The following CFAP20DC variants were observed in gnomAD, a reference collection of about 807,000 sequenced individuals.
CFAP20DC encodes protein CFAP20DC.
In CFAP20DC, 84 loss-of-function variants were observed where a neutral mutation model predicts 101.7. The observed-to-expected ratio is 0.83, with a 90% CI of 0.69 to 0.99. The LOEUF is 0.99. Among genes scored for constraint, CFAP20DC ranks in the 50% least tolerant of loss-of-function variants. The probability of loss-of-function intolerance (pLI) is 0.00; values close to 1 mark genes in which losing one functional copy is unlikely to be tolerated. For missense variants in CFAP20DC, 1,007 were observed against 970.3 expected, an observed-to-expected ratio of 1.04 and a Z score of -0.50; for synonymous variants, 359 against 351.2, an observed-to-expected ratio of 1.02 and a Z score of -0.25.
chr3:58,845,533 C>G (rs1379332025), intron 13 of CFAP20DC, among the ~76,000 whole-genome samples: 1 of 151,394 alleles, frequency 6.6e-6, no homozygotes, highest in South Asian at 2.1e-4. Context: ...AGCTTACCAA[C>G]CAAAAAGAGT....
At chr3:59,032,056 G>A (rs2094005227) in intron 4 of CFAP20DC, among the ~76,000 whole-genome samples, 1 of 152,184 alleles carries the variant, frequency 6.6e-6, no homozygotes, top group African/African-American at 2.4e-5. Context: ...GCGAGCCAAA[G>A]CAGGGTAGGG....
Position 58,742,168 on chromosome 3 carries a change from A to C in CFAP20DC, c.*292T>G. On this transcript the variant is annotated 3_prime_UTR_variant, in exon 17 of 17. Coordinates refer to ENST00000482387, the MANE Select transcript of CFAP20DC (RefSeq NM_001394063.1). Reference sequence around the variant, plus strand: ...AATAACTCTTAATTTGTTTACATAAAATTATCTGAAATAAACAAAATTATA... The same window carrying C: ...AATAACTCTTAATTTGTTTACATAACATTATCTGAAATAAACAAAATTATA... 2 of 932,716 alleles carry C rather than the reference A, an allele frequency of 2.1e-6. No homozygotes were observed. Among genetic ancestry groups the C allele is most frequent in the Non-Finnish European group, 1.3e-6 (1 of 775,512 alleles). The allele number at this position is 932,716 out of a possible 1,614,324, so 57.8% of individuals were successfully genotyped here.
intron 4 of CFAP20DC, among the ~76,000 whole-genome samples, chr3:58,995,091 C>T (rs143973660): frequency 7.2e-4 from 110 of 152,280 alleles, no homozygotes; most frequent in African/African-American, 2.5e-3. Flanking sequence ...CCTCAGGCTG[C>T]ACTACCTATA....
rs760935090 is a variant in CFAP20DC at position 58,913,795 on chromosome 3, A to G, written c.463T>C (p.Leu155=). ...TTAGCTGAGACAACAATTCCATCCA[A>G]TGACTGGAAAACTGCCCCCTTGAAT... ...EIFKGAVFQS[L]DGIVVSANCK... Residue 155 remains leucine, a synonymous_variant, in exon 6 of 17, where the codon TTG becomes CTG. Coordinates refer to ENST00000482387, the MANE Select transcript of CFAP20DC (RefSeq NM_001394063.1). The surrounding 1 kb of genome is among the most constrained non-coding windows in gnomAD (Gnocchi z 4.4). 2 of 1,613,558 alleles carry G rather than the reference A, an allele frequency of 1.2e-6. No homozygotes were observed. Among genetic ancestry groups the G allele is most frequent in the African/African-American group, 1.3e-5 (1 of 74,888 alleles).
intron 4 of CFAP20DC, among the ~76,000 whole-genome samples, chr3:58,962,629 G>A (rs931042975): frequency 1.1e-4 from 17 of 152,160 alleles, no homozygotes; most frequent in Non-Finnish European, 2.2e-4. Flanking sequence ...CAAACACTTT[G>A]TACTAGTAAA....
intron 14 of CFAP20DC, among the ~76,000 whole-genome samples, chr3:58,815,199 C>T (rs1174793045): frequency 7.3e-5 from 11 of 151,642 alleles, no homozygotes; most frequent in Non-Finnish European, 1.2e-4. Flanking sequence ...TCAGAAATAA[C>T]GCTGCATATC....
chr3:58,822,755 C>G (rs1457244252), intron 14 of CFAP20DC, among the ~76,000 whole-genome samples: 7 of 152,108 alleles, frequency 4.6e-5, no homozygotes, highest in Non-Finnish European at 5.9e-5. Context: ...ACATCCTCAC[C>G]TACAAATGGA....
intron 12 of CFAP20DC, among the ~76,000 whole-genome samples, chr3:58,855,201 G>A (rs1575955737): frequency 6.6e-6 from 1 of 152,118 alleles, no homozygotes; most frequent in Admixed American, 6.5e-5. Context: ...CTTCTCAAAA[G>A]AAGACATTAA....
chr3:58,861,619 G>A lies in CFAP20DC; in HGVS notation c.1593+1939C>T, dbSNP rs906603677. ...TAAATATAGCCTAGCATTTTTGTTG[G>A]TCCTATTTTTGTATCTTAGCTTGTA... On this transcript the variant is annotated intron_variant, in intron 12 of 16. Coordinates refer to ENST00000482387, the MANE Select transcript of CFAP20DC (RefSeq NM_001394063.1). The surrounding 1 kb of genome is among the most constrained non-coding windows in gnomAD (Gnocchi z 4.0). The A allele has an allele frequency of 1.0e-6, 1 of 985,230 alleles. No individual in the cohort carries two copies. The highest frequency in any genetic ancestry group is 1.7e-5 in the African/African-American group (1 of 57,220). 61.0% of individuals were successfully genotyped at this position (985,230 alleles called of 1,614,324 possible).
At chr3:58,809,876 C>G (rs552726660) in intron 14 of CFAP20DC, among the ~76,000 whole-genome samples, 1 of 152,128 alleles carries the variant, frequency 6.6e-6, no homozygotes, top group Admixed American at 6.6e-5. Context: ...GGGATATCAC[C>G]ACCGATCCCT....
At chr3:58,860,658 A>T (rs1187663616) in intron 12 of CFAP20DC, among the ~76,000 whole-genome samples, 1 of 152,240 alleles carries the variant, frequency 6.6e-6, no homozygotes, top group Non-Finnish European at 1.5e-5. Context: ...GGAATAATAA[A>T]ATATTAACAT....
rs753653813 is a variant in CFAP20DC, at chr3:58,859,365, T to G, written c.1593+4193A>C. Among the ~76,000 whole-genome samples, 5 of 152,230 alleles carry G rather than the reference T, an allele frequency of 3.3e-5. No individual in the cohort carries two copies. Among genetic ancestry groups the G allele is most frequent in the Non-Finnish European group, 7.4e-5 (5 of 68,026 alleles). ...CTAATTTTTCAAGGCAAAACATATTTTTCTATAAGTTAGACTTCATGTTCT... is the reference window on the plus strand; with the variant it reads ...CTAATTTTTCAAGGCAAAACATATTGTTCTATAAGTTAGACTTCATGTTCT... On this transcript the variant is annotated intron_variant, in intron 12 of 16. Coordinates refer to ENST00000482387, the MANE Select transcript of CFAP20DC (RefSeq NM_001394063.1). The surrounding 1 kb of genome is among the most constrained non-coding windows in gnomAD (Gnocchi z 4.1).
downstream of CFAP20DC, among the ~76,000 whole-genome samples, chr3:58,737,494 A>ATGT (rs2067784806): frequency 6.6e-6 from 1 of 152,150 alleles, no homozygotes; most frequent in African/African-American, 2.4e-5. This position sits in a 1 kb window ranked among gnomAD's most constrained non-coding sequence, Gnocchi z 4.1. Context: ...AACCCTTGAG[A>ATGT]TGTTCTACAG....
chr3:58,753,814 G>C lies in CFAP20DC; in HGVS notation c.2287C>G (p.Pro763Ala), dbSNP rs376622799. ...SPPIVPPSQQ[P>A]AEQRPDSCES... The stretch of plus-strand genomic sequence containing the variant: ...CAGGAATCTGGACGCTGCTCAGCCG[G>C]CTGTTGACTGGGAGGAACGATTGGT... Residue 763 changes from proline (P) to alanine (A), a missense_variant, in exon 16 of 17, where the codon CCG becomes GCG. Pro to Ala is a conservative substitution (Grantham distance 27). Coordinates refer to ENST00000482387, the MANE Select transcript of CFAP20DC (RefSeq NM_001394063.1). 10 of 1,612,654 alleles carry C rather than the reference G, an allele frequency of 6.2e-6. No individual in the cohort carries two copies. Among genetic ancestry groups the C allele is most frequent in the African/African-American group, 1.3e-5 (1 of 74,832 alleles).
chr3:58,913,773 G>A lies in CFAP20DC; in HGVS notation c.485C>T (p.Ala162Val). 6.2e-7 allele frequency: 1 copy of A among 1,613,634 alleles called. No individual in the cohort carries two copies. Residue 162 changes from alanine (A) to valine (V), a missense_variant, in exon 6 of 17, where the codon GCT (alanine) becomes GTT (valine). Ala to Val is a moderately conservative substitution (Grantham distance 64). Coordinates refer to ENST00000482387, the MANE Select transcript of CFAP20DC (RefSeq NM_001394063.1). The surrounding 1 kb of genome is among the most constrained non-coding windows in gnomAD (Gnocchi z 4.4). ...GAAGATCTTCCGTAGCTTACAGTTA[G>A]CTGAGACAACAATTCCATCCAATGA... ...FQSLDGIVVS[A>V]NCKLRKIFTL...
In CFAP20DC at chr3:58,863,433, G is replaced by A. The variant is rs942964864; in HGVS notation, c.1593+125C>T. On this transcript the variant is annotated intron_variant, in intron 12 of 16. Coordinates refer to ENST00000482387, the MANE Select transcript of CFAP20DC (RefSeq NM_001394063.1). This position sits in a 1 kb window ranked among gnomAD's most constrained non-coding sequence, Gnocchi z 5.9. Reference sequence around the variant, plus strand: ...CCTGATGCAACTGTGGACTGACATGGCAATCTGTTGCATTTTTATAAATAG... The same window carrying A: ...CCTGATGCAACTGTGGACTGACATGACAATCTGTTGCATTTTTATAAATAG... 8 of 1,476,356 alleles carry A rather than the reference G, an allele frequency of 5.4e-6. No homozygotes were observed. The highest frequency in any genetic ancestry group is 1.4e-5 in the South Asian group (1 of 71,514). 91.5% of individuals were successfully genotyped at this position (1,476,356 alleles called of 1,614,324 possible). A position where few individuals can be genotyped will look rare whatever the true frequency, so the allele number is the denominator to read the frequency against.
chr3:58,772,757 T>A (rs1369698345), intron 15 of CFAP20DC, among the ~76,000 whole-genome samples: 1 of 152,186 alleles, frequency 6.6e-6, no homozygotes, highest in Non-Finnish European at 1.5e-5. Flanking sequence ...GCAGCCAAAG[T>A]AGAATGTTGT....
intron 13 of CFAP20DC, among the ~76,000 whole-genome samples, chr3:58,833,322 T>G (rs1476260571): frequency 6.6e-6 from 1 of 152,136 alleles, no homozygotes; most frequent in Non-Finnish European, 1.5e-5. Context: ...TCATGAGCAT[T>G]TAATATGCTT....
chr3:58,946,297 T>C (rs2107935600), intron 4 of CFAP20DC, among the ~76,000 whole-genome samples: 1 of 151,852 alleles, frequency 6.6e-6, no homozygotes, highest in South Asian at 2.1e-4. Context: ...TTTGTATTTT[T>C]AGTAGAGACA....
Sources: gnomAD v4.1 joint callset for allele counts (sites outside exome capture counted in the v4.1 genomes callset) on GRCh38, gnomAD v4.1.1 for gene constraint, Gnocchi (gnomAD v3.1) non-coding constraint, MANE v1.5 for transcripts, NCBI Gene and HGNC (gene_info 2026-07-23, HGNC 2026-07-21) for gene names.